SMIM35: variants seen among roughly 807,000 people sequenced by gnomAD.
SMIM35 encodes the protein TMPRSS4 antisense RNA 1 (non-protein coding).
intron 1 of SMIM35, among the ~76,000 whole-genome samples, chr11:118,060,132 C>T (rs962860809): frequency 6.6e-6 from 1 of 152,118 alleles, no homozygotes; most frequent in East Asian, 1.9e-4. Context: ...ACCCAATTCC[C>T]GCGCTCTAGG....
At chr11:118,010,853 G>A (rs753317932) in intron 4 of SMIM35, among the ~76,000 whole-genome samples, 4 of 152,194 alleles carry the variant, frequency 2.6e-5, no homozygotes, top group Non-Finnish European at 2.9e-5. Context: ...AAGAAGAACC[G>A]TAAAAAGGTA....
At chr11:118,063,556 G>A (rs1944424568) in intron 1 of SMIM35, among the ~76,000 whole-genome samples, 1 of 152,186 alleles carries the variant, frequency 6.6e-6, no homozygotes, top group Non-Finnish European at 1.5e-5. Context: ...GTGCTAATGA[G>A]CTGACTGAGG....
chr11:118,065,604 A>G (rs180980517), intron 1 of SMIM35, among the ~76,000 whole-genome samples: 5 of 152,208 alleles, frequency 3.3e-5, no homozygotes, highest in East Asian at 3.9e-4. Flanking sequence ...CTTCACTTCA[A>G]TCTCTGGTTG....
chr11:118,064,250 T>C (rs1217987604), intron 1 of SMIM35, among the ~76,000 whole-genome samples: 1 of 152,220 alleles, frequency 6.6e-6, no homozygotes, highest in Non-Finnish European at 1.5e-5. Flanking sequence ...GTTTGAGTTT[T>C]TTCCTAACAC....
At chr11:118,015,893 C>T in intron 1 of SMIM35, 84 bp from the exon 2 acceptor site, 1 of 399,034 alleles carries the variant, frequency 2.5e-6, no homozygotes, top group Non-Finnish European at 4.4e-6. Context: ...TCCTCCCTTC[C>T]CACTGCCTAC....
At chr11:118,038,099 G>C (rs759064161) in intron 1 of SMIM35, among the ~76,000 whole-genome samples, 1 of 152,210 alleles carries the variant, frequency 6.6e-6, no homozygotes, top group Non-Finnish European at 1.5e-5. Context: ...CTGTAGGGCA[G>C]CTTCTAGCAT....
chr11:118,015,429 G>T (rs1053338561), intron 2 of SMIM35, among the ~76,000 whole-genome samples: 3 of 152,150 alleles, frequency 2.0e-5, no homozygotes, highest in Admixed American at 1.3e-4. Flanking sequence ...TGGCATGGAC[G>T]TCTATGGGCT....
At chr11:118,061,285 G>A (rs1350148678) in intron 1 of SMIM35, among the ~76,000 whole-genome samples, 1 of 152,212 alleles carries the variant, frequency 6.6e-6, no homozygotes, top group Admixed American at 6.5e-5. Context: ...CCCCAGTTCT[G>A]AGAGTGTTTC....
rs2058162360 is a variant in SMIM35 at position 118,013,818 on chromosome 11, T to C, written c.221A>G (p.Asp74Gly). 2 of 398,974 alleles carry C rather than the reference T, an allele frequency of 5.0e-6. No homozygotes were observed. Among genetic ancestry groups the C allele is most frequent in the Non-Finnish European group, 8.8e-6 (2 of 226,106 alleles). The allele number at this position is 398,974 out of a possible 1,614,324, so 24.7% of individuals were successfully genotyped here. Reference sequence around the variant, plus strand: ...GTTGGAGAACTTCATGTAGCCACCATCTGTGCTGCTGATGTGACCACTGAT... The same window carrying C: ...GTTGGAGAACTTCATGTAGCCACCACCTGTGCTGCTGATGTGACCACTGAT... Reference protein sequence around the residue: ...FTISGHISSTDGGYMKFSNGL... With the variant: ...FTISGHISSTGGGYMKFSNGL... The change falls in exon 4 of 5, where the codon GAT becomes GGT. Residue 74 changes from aspartate to glycine, a missense_variant. By Grantham distance (94) the Asp-to-Gly change is moderately conservative. Coordinates refer to ENST00000689828, the MANE Select transcript of SMIM35 (RefSeq NM_001394165.1).
rs182094102 is a variant in SMIM35 at position 118,004,229 on chromosome 11, C to G, written c.*2181G>C. ...CCAAATACCGTCACATTGGGAGTGA[C>G]AGCTTCAACATGAATTTGGGGAAGA... On this transcript the variant is annotated 3_prime_UTR_variant, in exon 5 of 5. Transcript: ENST00000689828. The G allele has an allele frequency of 6.6e-6, 1 of 152,308 alleles. No homozygotes were observed. Among genetic ancestry groups the G allele is most frequent in the Non-Finnish European group, 1.5e-5 (1 of 68,052 alleles). 9.4% of individuals were successfully genotyped at this position (152,308 alleles called of 1,614,324 possible).
chr11:118,018,750 C>T (rs1398084917), intron 1 of SMIM35, among the ~76,000 whole-genome samples: 2 of 152,190 alleles, frequency 1.3e-5, no homozygotes, highest in Non-Finnish European at 2.9e-5. Flanking sequence ...TTTTTTGTGT[C>T]TTCTACACAG....
At chr11:118,015,200 C>A (rs999440068) in intron 2 of SMIM35, among the ~76,000 whole-genome samples, 1 of 152,250 alleles carries the variant, frequency 6.6e-6, no homozygotes, top group Admixed American at 6.5e-5. Flanking sequence ...TTCCAGCACA[C>A]CCTTCCAGTT....
intron 4 of SMIM35, among the ~76,000 whole-genome samples, chr11:118,011,100 G>C (rs1189149663): frequency 6.6e-6 from 1 of 152,248 alleles, no homozygotes. Flanking sequence ...AAGGAAAAGA[G>C]GGGGAGGCTG....
At chr11:118,021,047 G>GTTTTTTTTTTTTTTTTTTTTTTTTTTTT (rs367714265) in intron 1 of SMIM35, among the ~76,000 whole-genome samples, 34 of 140,732 alleles carry the variant, frequency 2.4e-4, no homozygotes, top group African/African-American at 5.8e-4. Context: ...ACAGGGTAAG[G>GTTTTTTTTTTTTTTTTTTTTTTTTTTTT]TTTTTTTTTT....
intron 1 of SMIM35, among the ~76,000 whole-genome samples, chr11:118,034,845 CA>C (rs2058347095): frequency 6.6e-6 from 1 of 152,190 alleles, no homozygotes; most frequent in Admixed American, 6.5e-5. Flanking sequence ...AACACCAGCC[CA>C]GGATGGAACT....
intron 3 of SMIM35, 23 bp from the exon 4 acceptor site, chr11:118,013,903 G>A (rs1267365149): frequency 2.5e-6 from 1 of 398,878 alleles, no homozygotes; most frequent in Admixed American, 4.4e-5. Context: ...ATCCAATCAG[G>A]CTACTGGAGC....
intron 1 of SMIM35, among the ~76,000 whole-genome samples, chr11:118,066,816 C>A (rs1944480783): frequency 1.0e-5 from 1 of 95,722 alleles, no homozygotes; most frequent in South Asian, 3.2e-4. Flanking sequence ...CAGAGTGAGA[C>A]CTTGACTTAA....
intron 1 of SMIM35, among the ~76,000 whole-genome samples, chr11:118,047,971 G>A (rs1944128949): frequency 6.6e-6 from 1 of 152,108 alleles, no homozygotes; most frequent in Non-Finnish European, 1.5e-5. Flanking sequence ...GTGTCTCTGG[G>A]GCTCAGATGG....
At chr11:118,018,799 T>C (rs1312212535) in intron 1 of SMIM35, among the ~76,000 whole-genome samples, 3 of 152,244 alleles carry the variant, frequency 2.0e-5, no homozygotes, top group African/African-American at 7.2e-5. Flanking sequence ...ACAATTACTC[T>C]ATTTTACCTT....
Sources: allele counts gnomAD v4.1 joint callset (sites outside exome capture counted in the v4.1 genomes callset), GRCh38; gene constraint gnomAD v4.1.1; transcripts MANE v1.5; gene names NCBI Gene and HGNC (gene_info 2026-07-23, HGNC 2026-07-21).